SLC38A4: variants seen among roughly 807,000 people sequenced by gnomAD.
SLC38A4 encodes the protein sodium-coupled neutral amino acid transporter 4.
SLC38A4 carries 20 observed loss-of-function variants against 63.1 expected under a neutral mutation model. The observed-to-expected ratio is 0.32, with a 90% CI of 0.22 to 0.46. SLC38A4 has a LOEUF of 0.46. Ranked by LOEUF, SLC38A4 falls within the 20% of genes least tolerant of loss-of-function variation. The pLI, the probability that SLC38A4 is intolerant of heterozygous loss-of-function variation, is 1.00. For synonymous variants in SLC38A4, 230 were observed against 225.5 expected, an observed-to-expected ratio of 1.02 and a Z score of -0.18; for missense variants, 526 against 663.6, an observed-to-expected ratio of 0.79 and a Z score of 2.28.
At chr12:46,786,889 T>G (rs1165961756) in intron 5 of SLC38A4, among the ~76,000 whole-genome samples, 1 of 152,220 alleles carries the variant, frequency 6.6e-6, no homozygotes, top group East Asian at 1.9e-4. Context: ...AAATGTTGCA[T>G]TCTTAGACAG....
chr12:46,820,831 T>C (rs1939530032), intron 1 of SLC38A4, among the ~76,000 whole-genome samples: 1 of 152,020 alleles, frequency 6.6e-6, no homozygotes, highest in African/African-American at 2.4e-5. Flanking sequence ...ATATGTTTGC[T>C]AACATTTGTT....
At chr12:46,790,110 T>C (rs2120821618) in intron 3 of SLC38A4, among the ~76,000 whole-genome samples, 1 of 152,170 alleles carries the variant, frequency 6.6e-6, no homozygotes, top group Non-Finnish European at 1.5e-5. Flanking sequence ...ACCTTAGAAA[T>C]AAAATAGAAA....
At chr12:46,777,502 T>G (rs1938554207) in intron 12 of SLC38A4, among the ~76,000 whole-genome samples, 1 of 152,012 alleles carries the variant, frequency 6.6e-6, no homozygotes, top group Non-Finnish European at 1.5e-5. Flanking sequence ...CATGTAATTT[T>G]CAAAGTAAAT....
chr12:46,799,243 G>T (rs542022902), intron 2 of SLC38A4, among the ~76,000 whole-genome samples: 2 of 152,272 alleles, frequency 1.3e-5, no homozygotes, highest in South Asian at 4.1e-4. Flanking sequence ...CATTGTGAGT[G>T]AGGTAGATGC....
rs966653230 is a variant in SLC38A4 at position 46,776,898 on chromosome 12, A to G, written c.1174+6T>C. ...CATATAGAGAATGACTTTCAGAGTG[A>G]CCTACCATAGAAGGTTAGGTAACCA... On this transcript the variant is annotated splice_donor_region_variant and intron_variant, in intron 13 of 16. Coordinates refer to ENST00000266579, the MANE Select transcript of SLC38A4 (RefSeq NM_018018.5). 8.1e-6 allele frequency: 13 copies of G among 1,609,806 alleles called. No individual in the cohort carries two copies. The highest frequency in any genetic ancestry group is 3.3e-5 in the Admixed American group (2 of 59,832).
In SLC38A4 at chr12:46,778,627, G is replaced by A. The variant is rs201861627; in HGVS notation, c.867C>T (p.Tyr289=). Residue 289 remains tyrosine, a synonymous_variant, in exon 11 of 17, where the codon TAC becomes TAT. Transcript: ENST00000266579. ...CCAGCCCTGCAGGATTGCGGTGGGT[G>A]TAATCCATCATGAAGTTCACATCAG... The part of the protein sequence containing the change: ...ESSDVNFMMD[Y]THRNPAGLDE... 6 of 1,612,958 alleles carry A rather than the reference G, an allele frequency of 3.7e-6. No individual in the cohort carries two copies. In the East Asian group the frequency reaches 8.9e-5, roughly 24 times the overall value.
chr12:46,783,461 CA>C (rs1227697964), intron 7 of SLC38A4, among the ~76,000 whole-genome samples: 2 of 151,938 alleles, frequency 1.3e-5, no homozygotes, highest in African/African-American at 4.8e-5. Context: ...ATCTGGAGAA[CA>C]AATTAGAGTT....
At chr12:46,794,538 A>G (rs1459321062) in intron 2 of SLC38A4, among the ~76,000 whole-genome samples, 1 of 151,944 alleles carries the variant, frequency 6.6e-6, no homozygotes, top group East Asian at 1.9e-4. Context: ...AGTCAAAAAA[A>G]GGAATTCTTA....
Position 46,788,558 on chromosome 12 carries a change from T to C in SLC38A4, c.180A>G (p.Lys60=). 1 of 1,613,696 alleles carries C rather than the reference T, an allele frequency of 6.2e-7. No individual in the cohort carries two copies. The highest frequency in any genetic ancestry group is 8.5e-7 in the Non-Finnish European group (1 of 1,179,856). Residue 60 remains lysine, a synonymous_variant, in exon 4 of 17, where the codon AAA becomes AAG. Coordinates refer to ENST00000266579, the MANE Select transcript of SLC38A4 (RefSeq NM_018018.5). ...CATCAGCATAATCTGCCAGCTTCTT[T>C]TTCCCCAAAAATCCATTTGTCAGGA... ...QKFLTNGFLG[K]KKLADYADEH...
chr12:46,787,224 TG>T (rs1215426184), intron 5 of SLC38A4, among the ~76,000 whole-genome samples: 1 of 152,164 alleles, frequency 6.6e-6, no homozygotes, highest in Non-Finnish European at 1.5e-5. Context: ...GTAGAGACAT[TG>T]GTGAGTAAAA....
chr12:46,788,658 T>A, intron 3 of SLC38A4, 40 bp from the exon 4 acceptor site: 1 of 1,509,552 alleles, frequency 6.6e-7, no homozygotes, highest in Non-Finnish European at 9.2e-7. Context: ...TGAAAACATC[T>A]AAATATATGC....
intron 14 of SLC38A4, 54 bp downstream of exon 14, chr12:46,774,995 G>A (rs961001881): frequency 6.3e-7 from 1 of 1,589,768 alleles, no homozygotes; most frequent in Non-Finnish European, 8.6e-7. Context: ...TAGAACACAT[G>A]TACTAATTTA....
At chr12:46,800,623 A>T (rs545958548) in intron 2 of SLC38A4, among the ~76,000 whole-genome samples, 1 of 152,120 alleles carries the variant, frequency 6.6e-6, no homozygotes, top group African/African-American at 2.4e-5. Flanking sequence ...TAGATCTGCC[A>T]CTATATGCTC....
At chr12:46,791,133 G>A (rs1243847214) in intron 3 of SLC38A4, among the ~76,000 whole-genome samples, 4 of 152,150 alleles carry the variant, frequency 2.6e-5, no homozygotes, top group Non-Finnish European at 5.9e-5. Context: ...TCATATTTGT[G>A]TGCATGCCTT....
chr12:46,786,159 T>C (rs1185246554), intron 5 of SLC38A4, among the ~76,000 whole-genome samples: 38 of 152,112 alleles, frequency 2.5e-4, no homozygotes. Context: ...CCATATGCCT[T>C]ATGAACTTAA....
intron 5 of SLC38A4, among the ~76,000 whole-genome samples, chr12:46,786,735 TGAA>T (rs1358079200): frequency 3.3e-5 from 5 of 152,226 alleles, no homozygotes; most frequent in African/African-American, 1.2e-4. Context: ...CCCATTCAGC[TGAA>T]GAATATTATA....
chr12:46,825,170 A>G (rs192524080), intron 1 of SLC38A4, among the ~76,000 whole-genome samples: 1 of 149,812 alleles, frequency 6.7e-6, no homozygotes, highest in African/African-American at 2.4e-5. Context: ...ACTTTAATAT[A>G]CGAAGTTTAA....
chr12:46,782,829 A>C (rs1206345867), intron 7 of SLC38A4, among the ~76,000 whole-genome samples: 1 of 150,342 alleles, frequency 6.7e-6, no homozygotes, highest in Non-Finnish European at 1.5e-5. Context: ...CCAAGTTCAC[A>C]GATAGTGACA....
intron 3 of SLC38A4, among the ~76,000 whole-genome samples, chr12:46,790,322 G>A (rs1938858223): frequency 6.6e-6 from 1 of 152,126 alleles, no homozygotes; most frequent in Non-Finnish European, 1.5e-5. Flanking sequence ...GAGTACACAA[G>A]TTAAGAACAT....
Sources: allele counts gnomAD v4.1 joint callset (sites outside exome capture counted in the v4.1 genomes callset), GRCh38; gene constraint gnomAD v4.1.1; transcripts MANE v1.5; gene names NCBI Gene and HGNC (gene_info 2026-07-23, HGNC 2026-07-21).